SLC14A2: variants seen among roughly 807,000 people sequenced by gnomAD.
SLC14A2 encodes the protein solute carrier family 14 member 2.
In SLC14A2, 91 loss-of-function variants were observed where a neutral mutation model predicts 104.6. The ratio of observed to expected loss-of-function variants is 0.87; its 90% CI spans 0.73 to 1.04. SLC14A2 has a LOEUF of 1.04. Among genes scored for constraint, SLC14A2 ranks in the 50% least tolerant of loss-of-function variants. The probability of loss-of-function intolerance (pLI) is 0.00; values close to 1 mark genes in which losing one functional copy is unlikely to be tolerated. For missense variants in SLC14A2, 1,189 were observed against 1,156.0 expected, an observed-to-expected ratio of 1.03 and a Z score of -0.41; for synonymous variants, 476 against 466.4, an observed-to-expected ratio of 1.02 and a Z score of -0.27.
intron 2 of SLC14A2, chr18:45,528,303 A>T (rs1257346411): frequency 3.3e-5 from 5 of 151,796 alleles, no homozygotes; most frequent in Non-Finnish European, 5.9e-5. Context: ...AGGGAGGTGG[A>T]TATTTAAAGC....
chr18:45,612,729 G>T (rs754350445), upstream of SLC14A2, among the ~76,000 whole-genome samples: 12 of 152,174 alleles, frequency 7.9e-5, no homozygotes, highest in Non-Finnish European at 1.8e-4. Flanking sequence ...ATATCGTTTG[G>T]AATTTTAATC....
intron 1 of SLC14A2, among the ~76,000 whole-genome samples, chr18:45,391,568 C>T (rs1156382937): frequency 6.6e-6 from 1 of 152,130 alleles, no homozygotes; most frequent in Non-Finnish European, 1.5e-5. Context: ...CCTATTTCTC[C>T]ACATCCTCTC....
rs544031961 is a variant in SLC14A2 at position 45,273,017 on chromosome 18, C to A, written c.-125+59826C>A. Among the ~76,000 whole-genome samples, 3 of 152,176 alleles carry A rather than the reference C, an allele frequency of 2.0e-5. No individual in the cohort carries two copies. In the South Asian group the frequency reaches 6.2e-4, roughly 32 times the overall value. ...TCAGGAATCGTGCAATTGCAAATAT[C>A]GGAATAATGGACTTGACTGACTTAA... On this transcript the variant is annotated intron_variant, in intron 1 of 20. Transcript: ENST00000586448.
At chr18:45,378,338 TAGG>T (rs2085797395) in intron 1 of SLC14A2, among the ~76,000 whole-genome samples, 1 of 152,202 alleles carries the variant, frequency 6.6e-6, no homozygotes, top group Non-Finnish European at 1.5e-5. Context: ...AGTAAAATCT[TAGG>T]AGAACTACTT....
intron 1 of SLC14A2, among the ~76,000 whole-genome samples, chr18:45,462,929 A>T (rs2087071804): frequency 6.6e-6 from 1 of 152,180 alleles, no homozygotes; most frequent in Non-Finnish European, 1.5e-5. Flanking sequence ...TTATCATGAC[A>T]CCATTATGAT....
chr18:45,418,084 C>T (rs1568191977), intron 1 of SLC14A2, among the ~76,000 whole-genome samples: 1 of 152,094 alleles, frequency 6.6e-6, no homozygotes, highest in African/African-American at 2.4e-5. Flanking sequence ...TGTTGCTTTT[C>T]CTTTGAAATA....
chr18:45,500,470 G>A lies in SLC14A2; in HGVS notation c.-35+17148G>A, dbSNP rs1407005600. On this transcript the variant is annotated intron_variant, in intron 2 of 20. Coordinates refer to the SLC14A2 transcript ENST00000586448. ...CGGGCGCCTGTAGTCCCAGCTACTC[G>A]GGAGGCTGAGGCAGGAGAATGGCGT... Among the ~76,000 whole-genome samples the A allele has an allele frequency of 4.0e-5, 6 of 151,784 alleles. No individual in the cohort carries two copies. The South Asian group carries it at 8.4e-4, about 21-fold the overall frequency.
intron 1 of SLC14A2, among the ~76,000 whole-genome samples, chr18:45,277,404 T>G (rs114220791): frequency 6.6e-6 from 1 of 152,176 alleles, no homozygotes; most frequent in Non-Finnish European, 1.5e-5. Context: ...GAAAAATACA[T>G]AGTAGTTAGT....
chr18:45,325,325 G>A (rs1460756408), intron 1 of SLC14A2, among the ~76,000 whole-genome samples: 1 of 152,186 alleles, frequency 6.6e-6, no homozygotes, highest in Non-Finnish European at 1.5e-5. Flanking sequence ...ATTTTAGATA[G>A]GTGACAGGTT....
At chr18:45,519,972 G>A (rs1276551654) in intron 2 of SLC14A2, among the ~76,000 whole-genome samples, 1 of 152,202 alleles carries the variant, frequency 6.6e-6, no homozygotes, top group Admixed American at 6.5e-5. Flanking sequence ...TTGCATACAT[G>A]GATGGGAGCT....
intron 1 of SLC14A2, among the ~76,000 whole-genome samples, chr18:45,341,791 T>C (rs1031103813): frequency 6.6e-6 from 1 of 151,934 alleles, no homozygotes; most frequent in Non-Finnish European, 1.5e-5. Context: ...TTTCACCATG[T>C]TGGCCAGACT....
intron 1 of SLC14A2, among the ~76,000 whole-genome samples, chr18:45,432,377 C>G (rs1334086308): frequency 6.6e-6 from 1 of 152,090 alleles, no homozygotes; most frequent in South Asian, 2.1e-4. Context: ...CTCCAAAGAA[C>G]GTAGCTACAA....
At chr18:45,580,287 G>A (rs2044471554) in intron 2 of SLC14A2, among the ~76,000 whole-genome samples, 1 of 152,204 alleles carries the variant, frequency 6.6e-6, no homozygotes, top group Non-Finnish European at 1.5e-5. Context: ...CAATAAAAGT[G>A]TCAGAATTTG....
At chr18:45,227,698 T>A (rs2084133405) in intron 1 of SLC14A2, among the ~76,000 whole-genome samples, 1 of 152,186 alleles carries the variant, frequency 6.6e-6, no homozygotes, top group South Asian at 2.1e-4. Context: ...TAGGTCTGGA[T>A]CTGGGGTTAA....
intron 1 of SLC14A2, among the ~76,000 whole-genome samples, chr18:45,322,263 G>C (rs1489039866): frequency 6.6e-6 from 1 of 152,106 alleles, no homozygotes; most frequent in Admixed American, 6.5e-5. Flanking sequence ...TACTGGTTAG[G>C]TCAACATAAT....
rs182340088 is a variant in SLC14A2, at chr18:45,330,097, A to T, written c.-125+116906A>T. On this transcript the variant is annotated intron_variant, in intron 1 of 20. Transcript: ENST00000586448. The stretch of plus-strand genomic sequence containing the variant: ...AAAGAATTAAATAATTTTGGATTTC[A>T]GTGACTGAAGGAGGGTCTGAACCTG... Among the ~76,000 whole-genome samples, 16 of 152,290 alleles carry T rather than the reference A, an allele frequency of 1.1e-4. No homozygotes were observed. In the East Asian group the frequency reaches 2.9e-3, roughly 28 times the overall value.
chr18:45,235,156 C>T (rs2144030235), intron 1 of SLC14A2, among the ~76,000 whole-genome samples: 1 of 152,242 alleles, frequency 6.6e-6, no homozygotes, highest in South Asian at 2.1e-4. Context: ...CTTTCAGCAT[C>T]TTATAGTATG....
At chr18:45,576,227 C>T (rs1040646263) in intron 2 of SLC14A2, among the ~76,000 whole-genome samples, 1 of 146,656 alleles carries the variant, frequency 6.8e-6, no homozygotes, top group Non-Finnish European at 1.5e-5. Context: ...AACACCCAGG[C>T]AGTTTCAGTC....
chr18:45,267,908 A>G (rs1318331923), intron 1 of SLC14A2, among the ~76,000 whole-genome samples: 4 of 152,190 alleles, frequency 2.6e-5, no homozygotes, highest in African/African-American at 9.6e-5. Context: ...TTTGGCGTGG[A>G]CTAAAGGATG....
Sources: allele counts gnomAD v4.1 joint callset (sites outside exome capture counted in the v4.1 genomes callset), GRCh38; gene constraint gnomAD v4.1.1; transcripts MANE v1.5; gene names NCBI Gene and HGNC (gene_info 2026-07-23, HGNC 2026-07-21).